The following MAML2 variants were observed in gnomAD, a reference collection of about 807,000 sequenced individuals.
MAML2 encodes mastermind-like protein 2.
In MAML2, 22 loss-of-function variants were observed where a neutral mutation model predicts 96.1. That is an observed-to-expected ratio of 0.23 (90% CI 0.16 to 0.33). The LOEUF (loss-of-function observed/expected upper bound fraction) is 0.33, where lower values mean the gene tolerates loss of function less well. Ranked by LOEUF, MAML2 falls within the 10% of genes least tolerant of loss-of-function variation. MAML2 has a pLI of 1.00. For synonymous variants in MAML2, 561 were observed against 521.3 expected, an observed-to-expected ratio of 1.08 and a Z score of -1.04; for missense variants, 1,367 against 1,392.4, an observed-to-expected ratio of 0.98 and a Z score of 0.29.
At chr11:96,320,063 C>T (rs903073307) in intron 1 of MAML2, among the ~76,000 whole-genome samples, 6 of 152,198 alleles carry the variant, frequency 3.9e-5, no homozygotes, top group Non-Finnish European at 8.8e-5. Flanking sequence ...ACTTGCCATG[C>T]TGGCCAGAAA....
intron 1 of MAML2, among the ~76,000 whole-genome samples, chr11:96,209,533 G>A (rs575610895): frequency 1.0e-3 from 156 of 152,014 alleles, no homozygotes; most frequent in African/African-American, 3.2e-3. Context: ...GGAGATTGGC[G>A]CCACTGCACT....
chr11:96,303,711 A>C (rs1365352773), intron 1 of MAML2, among the ~76,000 whole-genome samples: 1 of 152,210 alleles, frequency 6.6e-6, no homozygotes, highest in Non-Finnish European at 1.5e-5. Flanking sequence ...TCCAGCAAGA[A>C]CAGATTTAAG....
Position 95,979,284 on chromosome 11 carries a change from C to T in MAML2, c.3135G>A (p.Arg1045=). 4 of 1,613,874 alleles carry T rather than the reference C, an allele frequency of 2.5e-6. No individual in the cohort carries two copies. The highest frequency in any genetic ancestry group is 3.4e-6 in the Non-Finnish European group (4 of 1,179,858). ...GCTGATTGGGTCTGAGATTCAGACC[C>T]CTGAGGGGACCCATGGTTTGCCCAT... is the stretch of plus-strand genomic sequence containing the variant. ...TLNGQTMGPL[R]GLNLRPNQLS... is the part of the protein sequence containing the mutation. Residue 1045 remains arginine, a synonymous_variant, in exon 5 of 5, where the codon AGG becomes AGA. Transcript: ENST00000524717.
chr11:96,087,057 T>C (rs1859627552), intron 2 of MAML2, among the ~76,000 whole-genome samples: 2 of 152,208 alleles, frequency 1.3e-5, no homozygotes, highest in Non-Finnish European at 2.9e-5. Flanking sequence ...GGCCAATTAC[T>C]AACCATAACC....
At chr11:96,336,294 A>C (rs1230205802) in intron 1 of MAML2, among the ~76,000 whole-genome samples, 1 of 152,186 alleles carries the variant, frequency 6.6e-6, no homozygotes, top group African/African-American at 2.4e-5. Context: ...GTAATTAAAA[A>C]GCCTTGTACA....
chr11:96,027,785 G>A (rs1362946560), intron 2 of MAML2, among the ~76,000 whole-genome samples: 1 of 152,162 alleles, frequency 6.6e-6, no homozygotes, highest in Non-Finnish European at 1.5e-5. Context: ...AGGCTGGAGT[G>A]CAGTGGCATG....
At chr11:96,266,386 C>T (rs750140012) in intron 1 of MAML2, among the ~76,000 whole-genome samples, 4 of 151,968 alleles carry the variant, frequency 2.6e-5, no homozygotes, top group East Asian at 3.9e-4. Flanking sequence ...CTGGCTAACA[C>T]GGTAAAACCC....
chr11:96,025,456 C>T (rs1565192654), intron 2 of MAML2, among the ~76,000 whole-genome samples: 1 of 152,172 alleles, frequency 6.6e-6, no homozygotes, highest in Non-Finnish European at 1.5e-5. Flanking sequence ...ATGCTCACTA[C>T]TCGAGTGACG....
At position 96,093,291 on chromosome 11, in the gene MAML2, G is replaced by A. The variant is rs1355694121; in HGVS notation, c.740C>T (p.Pro247Leu). The A allele has an allele frequency of 6.2e-7, 1 of 1,614,026 alleles. No homozygotes were observed. Among genetic ancestry groups the A allele is most frequent in the Non-Finnish European group, 8.5e-7 (1 of 1,179,904 alleles). Residue 247 changes from proline to leucine, a missense_variant, in exon 2 of 5, where the codon CCA (proline) becomes CTA (leucine). Transcript: ENST00000524717. ...ATTGCCAGGAGAATGTGTATGGGAT[G>A]GCAGAGTGTTAGTCTTTCGCAGGGG... is the stretch of plus-strand genomic sequence containing the variant. The part of the protein sequence containing the change: ...QAPLRKTNTL[P>L]SHTHSPGNGL...
rs546283713 is a variant in MAML2 at position 96,209,145 on chromosome 11, G to T, written c.514-115628C>A. Among the ~76,000 whole-genome samples, 55 of 147,984 alleles carry T rather than the reference G, an allele frequency of 3.7e-4. No homozygotes were observed. The South Asian group carries it at 0.011, about 29-fold the overall frequency. On this transcript the variant is annotated intron_variant, in intron 1 of 4. Transcript: ENST00000524717. ...CTTAAGTGTGTGACAAAAGACATAAGGGGTTAGTGCTCCCAGGGATATTTA... is the reference window on the plus strand; with the variant it reads ...CTTAAGTGTGTGACAAAAGACATAATGGGTTAGTGCTCCCAGGGATATTTA...
chr11:96,285,450 C>CA (rs1020715382), intron 1 of MAML2, among the ~76,000 whole-genome samples: 2 of 151,818 alleles, frequency 1.3e-5, no homozygotes, highest in African/African-American at 4.8e-5. Flanking sequence ...GAAGCAATTG[C>CA]AAAAAAAGCA....
intron 2 of MAML2, among the ~76,000 whole-genome samples, chr11:96,053,619 G>A (rs1859019790): frequency 1.3e-5 from 2 of 149,038 alleles, no homozygotes; most frequent in African/African-American, 5.1e-5. Context: ...GAGGGTTAAT[G>A]GGATGGGGGG....
intron 1 of MAML2, among the ~76,000 whole-genome samples, chr11:96,148,468 A>G (rs1707496545): frequency 6.6e-6 from 1 of 151,956 alleles, no homozygotes; most frequent in Admixed American, 6.6e-5. Flanking sequence ...ATGAAAAAAA[A>G]AAAAGCCTAG....
intron 2 of MAML2, among the ~76,000 whole-genome samples, chr11:96,082,790 A>G (rs1034830038): frequency 6.6e-6 from 1 of 152,214 alleles, no homozygotes; most frequent in South Asian, 2.1e-4. Flanking sequence ...TTACAGTATC[A>G]AAGCACGAAG....
At chr11:96,008,680 A>G (rs1858224653) in intron 2 of MAML2, among the ~76,000 whole-genome samples, 1 of 152,242 alleles carries the variant, frequency 6.6e-6, no homozygotes, top group African/African-American at 2.4e-5. Flanking sequence ...AACTTGGGCC[A>G]AGCATGAGAA....
At chr11:95,998,122 A>AGTCTG (rs1858021266) in intron 2 of MAML2, among the ~76,000 whole-genome samples, 2 of 117,378 alleles carry the variant, frequency 1.7e-5, no homozygotes, top group African/African-American at 6.1e-5. Context: ...TTTTCTATCT[A>AGTCTG]TCTGTCTGTC....
intron 2 of MAML2, among the ~76,000 whole-genome samples, chr11:96,039,186 T>C (rs996074042): frequency 6.6e-6 from 1 of 151,636 alleles, no homozygotes; most frequent in African/African-American, 2.4e-5. Context: ...GCCTAGGAGG[T>C]TGAGGTTTCA....
intron 1 of MAML2, among the ~76,000 whole-genome samples, chr11:96,151,881 G>A (rs767398938): frequency 4.6e-5 from 7 of 152,142 alleles, no homozygotes; most frequent in African/African-American, 1.7e-4. Flanking sequence ...TAGGATTTTA[G>A]TTCATAGGTG....
At chr11:96,247,720 T>A (rs1862529791) in intron 1 of MAML2, among the ~76,000 whole-genome samples, 1 of 152,146 alleles carries the variant, frequency 6.6e-6, no homozygotes, top group Non-Finnish European at 1.5e-5. Flanking sequence ...TTCCATTAAC[T>A]CTTTCATTCT....
Sources: gnomAD v4.1 joint callset for allele counts (sites outside exome capture counted in the v4.1 genomes callset) on GRCh38, gnomAD v4.1.1 for gene constraint, MANE v1.5 for transcripts, NCBI Gene and HGNC (gene_info 2026-07-23, HGNC 2026-07-21) for gene names.